TWIST2: variants seen among roughly 807,000 people sequenced by gnomAD.
TWIST2 encodes the protein twist family bHLH transcription factor 2.
In TWIST2, 1 loss-of-function variant was observed where a neutral mutation model predicts 11.6. The observed-to-expected ratio is 0.09, with a 90% CI of 0.03 to 0.41. TWIST2 has a LOEUF of 0.41. Among genes scored for constraint, TWIST2 ranks in the 10% least tolerant of loss-of-function variants. The pLI is 0.98. For synonymous variants in TWIST2, 87 were observed against 96.6 expected, an observed-to-expected ratio of 0.90 and a Z score of 0.58; for missense variants, 168 against 226.4, an observed-to-expected ratio of 0.74 and a Z score of 1.66.
chr2:238,848,352 C>T lies in TWIST2; in HGVS notation c.137C>T (p.Thr46Ile). Reference sequence around the variant, plus strand: ...AAGTCGAGCGAAGATGGCAGCCCGACCCCGGGCAAGCGCGGCAAGAAGGGC... The same window carrying T: ...AAGTCGAGCGAAGATGGCAGCCCGATCCCGGGCAAGCGCGGCAAGAAGGGC... ...SKKSSEDGSP[T>I]PGKRGKKGSP... is the part of the protein sequence containing the mutation. The change falls in exon 1 of 2, where the codon ACC (threonine) becomes ATC (isoleucine). Residue 46 changes from threonine (T) to isoleucine (I), a missense_variant. By Grantham distance (89) the Thr-to-Ile change is moderately conservative. Coordinates refer to ENST00000612363, the MANE Select transcript of TWIST2 (RefSeq NM_001271893.4). 6.5e-7 allele frequency: 1 copy of T among 1,534,702 alleles called. No homozygotes were observed. The highest frequency in any genetic ancestry group is 8.7e-7 in the Non-Finnish European group (1 of 1,146,020).
intron 1 of TWIST2, among the ~76,000 whole-genome samples, chr2:238,874,979 A>G (rs2106361799): frequency 6.6e-6 from 1 of 152,286 alleles, no homozygotes; most frequent in East Asian, 1.9e-4. Context: ...AGAGTGCACA[A>G]AGGAACAAAA....
At chr2:238,870,449 C>CCA (rs1385968687) in intron 1 of TWIST2, among the ~76,000 whole-genome samples, 3 of 21,120 alleles carry the variant, frequency 1.4e-4, no homozygotes, top group African/African-American at 1.6e-4. Flanking sequence ...ACCACACACC[C>CCA]CACACACACC....
intron 1 of TWIST2, among the ~76,000 whole-genome samples, chr2:238,890,931 G>A (rs1693120878): frequency 1.3e-5 from 2 of 152,120 alleles, no homozygotes; most frequent in Admixed American, 1.3e-4. Context: ...GTTCTCAGAT[G>A]CCACGGGGTA....
chr2:238,873,242 G>C (rs995459740), intron 1 of TWIST2, among the ~76,000 whole-genome samples: 1 of 152,126 alleles, frequency 6.6e-6, no homozygotes, highest in South Asian at 2.1e-4. Context: ...ATTAGAGACC[G>C]GGATGTGGCG....
intron 1 of TWIST2, among the ~76,000 whole-genome samples, chr2:238,859,842 C>A (rs182184917): frequency 2.1e-3 from 320 of 152,354 alleles, no homozygotes; most frequent in African/African-American, 7.5e-3. Flanking sequence ...CACACTGTTT[C>A]TTTTGCCTGC....
intron 1 of TWIST2, among the ~76,000 whole-genome samples, chr2:238,861,952 C>A (rs1204195044): frequency 6.6e-6 from 1 of 152,172 alleles, no homozygotes; most frequent in Non-Finnish European, 1.5e-5. Flanking sequence ...ATCGAGCATC[C>A]GCTGGGGGTC....
At chr2:238,909,034 A>T in intron 1 of TWIST2, among the ~76,000 whole-genome samples, 2 of 32,032 alleles carry the variant, frequency 6.2e-5, no homozygotes, top group East Asian at 1.8e-3. Flanking sequence ...GGTGTGGTGT[A>T]TTCGTGGTTG....
At chr2:238,856,960 T>A (rs1282094650) in intron 1 of TWIST2, among the ~76,000 whole-genome samples, 1 of 152,058 alleles carries the variant, frequency 6.6e-6, no homozygotes, top group African/African-American at 2.4e-5. Flanking sequence ...GCAAAGTGTG[T>A]CCAAGAAGCC....
chr2:238,849,024 C>T (rs1364492450), intron 1 of TWIST2, among the ~76,000 whole-genome samples: 3 of 152,074 alleles, frequency 2.0e-5, no homozygotes, highest in Non-Finnish European at 4.4e-5. Context: ...AGTTTTCATT[C>T]TCGGTGGTGT....
At position 238,848,474 on chromosome 2, in the gene TWIST2, G is replaced by A; in HGVS notation, c.259G>A (p.Ala87Thr). 1 of 1,571,678 alleles carries A rather than the reference G, an allele frequency of 6.4e-7. No homozygotes were observed. The highest frequency in any genetic ancestry group is 1.2e-5 in the South Asian group (1 of 85,552). ...QRTQSLNEAF[A>T]ALRKIIPTLP... The stretch of plus-strand genomic sequence containing the variant: ...CACCCAGTCGCTCAACGAGGCCTTC[G>A]CGGCGCTGCGCAAGATCATCCCCAC... Residue 87 changes from alanine to threonine, a missense_variant, in exon 1 of 2, where the codon GCG (alanine) becomes ACG (threonine). Transcript: ENST00000612363.
intron 1 of TWIST2, among the ~76,000 whole-genome samples, chr2:238,907,381 C>T (rs1693370085): frequency 6.6e-6 from 1 of 152,308 alleles, no homozygotes; most frequent in South Asian, 2.1e-4. Context: ...GGGTCCCCAC[C>T]CCGGCTTCCT....
At chr2:238,854,513 G>A (rs1455288539) in intron 1 of TWIST2, among the ~76,000 whole-genome samples, 1 of 152,228 alleles carries the variant, frequency 6.6e-6, no homozygotes, top group African/African-American at 2.4e-5. Flanking sequence ...GCACCAGGCA[G>A]AGCAGCTCCC....
Position 238,908,612 on chromosome 2 carries a change from G to A in TWIST2, c.*36-1230G>A, listed in dbSNP as rs1031700925. Among the ~76,000 whole-genome samples, 73 of 152,314 alleles carry A rather than the reference G, an allele frequency of 4.8e-4. 1 individual carries two copies. The East Asian group carries it at 6.5e-3, about 14-fold the overall frequency. On this transcript the variant is annotated intron_variant, in intron 1 of 1. Transcript: ENST00000612363. ...CACCACTGTATGTGTGGCATATAAT[G>A]TGGTATATAATATACCATATGGTAT... is the stretch of plus-strand genomic sequence containing the variant.
chr2:238,899,227 C>T (rs1456545669), intron 1 of TWIST2, among the ~76,000 whole-genome samples: 1 of 152,268 alleles, frequency 6.6e-6, no homozygotes, highest in Non-Finnish European at 1.5e-5. Flanking sequence ...TCTCTGCTTT[C>T]TTCATTGTAG....
chr2:238,896,619 A>G (rs1693210869), intron 1 of TWIST2, among the ~76,000 whole-genome samples: 2 of 152,152 alleles, frequency 1.3e-5, no homozygotes, highest in African/African-American at 4.8e-5. Context: ...CACCTGGTGC[A>G]TTTGTCTGAC....
intron 1 of TWIST2, among the ~76,000 whole-genome samples, chr2:238,893,442 C>A (rs1339328024): frequency 6.6e-6 from 1 of 152,158 alleles, no homozygotes; most frequent in Non-Finnish European, 1.5e-5. Flanking sequence ...GGGAGACAGT[C>A]CCAGAATCAT....
chr2:238,865,741 A>G (rs1692518375), intron 1 of TWIST2, among the ~76,000 whole-genome samples: 1 of 151,628 alleles, frequency 6.6e-6, no homozygotes, highest in African/African-American at 2.4e-5. Flanking sequence ...AACCCAGAGA[A>G]CCCTCACTAC....
chr2:238,865,421 C>T (rs1692513540), intron 1 of TWIST2, among the ~76,000 whole-genome samples: 2 of 152,206 alleles, frequency 1.3e-5, no homozygotes, highest in African/African-American at 2.4e-5. Context: ...CACCTGTTGG[C>T]GTTCCTACAC....
rs751874652 is a variant in TWIST2 at position 238,867,411 on chromosome 2, A to ACACACACACACACACACACACT, written c.*35+18679_*35+18680insACACACACACACACACACACTC. Among the ~76,000 whole-genome samples, 7 of 144,890 alleles carry ACACACACACACACACACACACT rather than the reference A, an allele frequency of 4.8e-5. No homozygotes were observed. Among genetic ancestry groups the ACACACACACACACACACACACT allele is most frequent in the Non-Finnish European group, 6.1e-5 (4 of 65,710 alleles). ...CACACACACACACACACACACACACACTCCTCAGTAAAATACCCAGTTCTC... is the reference window on the plus strand; with the variant it reads ...CACACACACACACACACACACACACACACACACACACACACACACACTCTCCTCAGTAAAATACCCAGTTCTC... On this transcript the variant is annotated intron_variant, in intron 1 of 1. Coordinates refer to ENST00000612363, the MANE Select transcript of TWIST2 (RefSeq NM_001271893.4). This position sits in a 1 kb window ranked among gnomAD's most constrained non-coding sequence, Gnocchi z 4.8.
Sources: gnomAD v4.1 joint callset for allele counts (sites outside exome capture counted in the v4.1 genomes callset) on GRCh38, gnomAD v4.1.1 for gene constraint, Gnocchi (gnomAD v3.1) non-coding constraint, MANE v1.5 for transcripts, NCBI Gene and HGNC (gene_info 2026-07-23, HGNC 2026-07-21) for gene names.